The following DLGAP2 variants were observed in gnomAD, a reference collection of about 807,000 sequenced individuals.
DLGAP2 encodes the protein DLG associated protein 2, also known as disks large-associated protein 2.
DLGAP2 carries 26 observed loss-of-function variants against 100.3 expected under a neutral mutation model. That is an observed-to-expected ratio of 0.26 (90% CI 0.19 to 0.36). The LOEUF is 0.36. DLGAP2 is among the 10% of genes least tolerant of loss of function. The pLI is 1.00. For synonymous variants in DLGAP2, 886 were observed against 630.1 expected (o/e 1.41, Z -6.08); for missense variants, 1,858 against 1,453.2 (o/e 1.28, Z -4.53).
chr8:1,274,077 C>T (rs886760906), intron 3 of DLGAP2, among the ~76,000 whole-genome samples: 1 of 152,080 alleles, frequency 6.6e-6, no homozygotes, highest in Non-Finnish European at 1.5e-5. Context: ...CGTGACGGCT[C>T]TGTTCAGCAT....
At chr8:1,563,733 TGCCGGA>T (rs1206387617) in intron 5 of DLGAP2, among the ~76,000 whole-genome samples, 2 of 152,078 alleles carry the variant, frequency 1.3e-5, no homozygotes, top group African/African-American at 4.8e-5. Flanking sequence ...ATGTCAGATC[TGCCGGA>T]GCACTGGTGT....
At chr8:949,602 G>A (rs1389590670) in intron 2 of DLGAP2, among the ~76,000 whole-genome samples, 1 of 152,216 alleles carries the variant, frequency 6.6e-6, no homozygotes, top group Non-Finnish European at 1.5e-5. Context: ...CCCAGGACGG[G>A]CCTCCCCGCT....
intron 1 of DLGAP2, among the ~76,000 whole-genome samples, chr8:792,061 G>A (rs1334687292): frequency 6.6e-6 from 1 of 152,204 alleles, no homozygotes; most frequent in Non-Finnish European, 1.5e-5. Flanking sequence ...ATTTACCAAT[G>A]TGAATTTTAT....
chr8:1,249,303 C>G (rs1798985007), intron 2 of DLGAP2, among the ~76,000 whole-genome samples: 1 of 152,182 alleles, frequency 6.6e-6, no homozygotes, highest in Non-Finnish European at 1.5e-5. Flanking sequence ...GTGGGAAGGT[C>G]TCAGCCTGCA....
chr8:1,440,887 A>C (rs541073560), intron 3 of DLGAP2, among the ~76,000 whole-genome samples: 54 of 152,348 alleles, frequency 3.5e-4, no homozygotes, highest in Admixed American at 3.5e-3. Context: ...CTAAACTGCT[A>C]CTTTCATGCC....
At chr8:794,876 A>T (rs948536264) in intron 1 of DLGAP2, among the ~76,000 whole-genome samples, 2 of 151,084 alleles carry the variant, frequency 1.3e-5, no homozygotes, top group Non-Finnish European at 3.0e-5. Context: ...GGTGGCGGGT[A>T]TTTCTAGCTG....
intron 2 of DLGAP2, among the ~76,000 whole-genome samples, chr8:1,008,918 G>C (rs978522436): frequency 1.3e-5 from 2 of 152,248 alleles, no homozygotes; most frequent in Non-Finnish European, 2.9e-5. Context: ...ATGCAACCCT[G>C]TGAGGAGCTG....
chr8:788,481 C>T (rs1470375797), intron 1 of DLGAP2, among the ~76,000 whole-genome samples: 1 of 152,224 alleles, frequency 6.6e-6, no homozygotes, highest in Non-Finnish European at 1.5e-5. Flanking sequence ...TGGGGCTTCC[C>T]TGCAAGTTTG....
intron 2 of DLGAP2, among the ~76,000 whole-genome samples, chr8:1,115,102 T>C (rs1805076090): frequency 6.6e-6 from 1 of 152,340 alleles, no homozygotes; most frequent in African/African-American, 2.4e-5. Context: ...CTGAGGATTA[T>C]GTTCAATTAT....
intron 2 of DLGAP2, among the ~76,000 whole-genome samples, chr8:954,171 A>T (rs535616776): frequency 1.3e-5 from 2 of 152,258 alleles, no homozygotes; most frequent in East Asian, 3.9e-4. Flanking sequence ...TAAGGTGCAT[A>T]ATGTGGCATT....
At chr8:1,484,150 G>C (rs542050849) in intron 3 of DLGAP2, among the ~76,000 whole-genome samples, 101 of 152,314 alleles carry the variant, frequency 6.6e-4, no homozygotes, top group African/African-American at 2.4e-3. Flanking sequence ...AGCCAGGGCA[G>C]GCCCTCCAGG....
At chr8:1,235,295 C>G (rs1180508700) in intron 2 of DLGAP2, among the ~76,000 whole-genome samples, 3 of 151,318 alleles carry the variant, frequency 2.0e-5, no homozygotes, top group Non-Finnish European at 2.9e-5. Flanking sequence ...GTCTAGTTCC[C>G]TCACACATGG....
intron 3 of DLGAP2, among the ~76,000 whole-genome samples, chr8:1,417,508 C>A (rs994938808): frequency 6.6e-6 from 1 of 152,206 alleles, no homozygotes; most frequent in Admixed American, 6.5e-5. Flanking sequence ...CTCACCAGGG[C>A]AGGCATAGTA....
chr8:1,424,703 A>G, intron 3 of DLGAP2, among the ~76,000 whole-genome samples: 1 of 152,362 alleles, frequency 6.6e-6, no homozygotes, highest in South Asian at 2.1e-4. Context: ...ATGCACAGAC[A>G]GAAGGCCGGA....
chr8:923,660 G>T (rs966625578), intron 2 of DLGAP2, among the ~76,000 whole-genome samples: 8 of 152,212 alleles, frequency 5.3e-5, no homozygotes, highest in Admixed American at 2.0e-4. Context: ...ACCCCTCTGA[G>T]CTTGGTGCAT....
intron 1 of DLGAP2, among the ~76,000 whole-genome samples, chr8:859,694 C>T (rs1057494643): frequency 6.6e-6 from 1 of 152,076 alleles, no homozygotes; most frequent in African/African-American, 2.4e-5. Context: ...CAAAGCAGAA[C>T]GAGAAGTTGT....
Position 1,258,927 on chromosome 8 carries a change from G to A in DLGAP2, c.106+44G>A, listed in dbSNP as rs76001622. The A allele has an allele frequency of 2.1e-3, 2,573 of 1,229,448 alleles. 72 individuals carry two copies. In the East Asian group the frequency reaches 0.06, roughly 29 times the overall value. The allele number at this position is 1,229,448 out of a possible 1,614,324, so 76.2% of individuals were successfully genotyped here. On this transcript the variant is annotated intron_variant, in intron 3 of 14. Coordinates refer to ENST00000637795, the MANE Select transcript of DLGAP2 (RefSeq NM_001346810.2). ...GCCTGGGGTGGGCGGGGGCCGCGCG[G>A]CTCACAGGTGTGTGGCTGGCAACAG...
intron 2 of DLGAP2, among the ~76,000 whole-genome samples, chr8:996,331 C>T (rs1800783289): frequency 6.6e-6 from 1 of 152,180 alleles, no homozygotes; most frequent in South Asian, 2.1e-4. Flanking sequence ...CAGAGCTCTT[C>T]TCCGAGGGCC....
rs188756541 is a variant in DLGAP2, at chr8:1,048,045, A to G, written c.73+140079A>G. Among the ~76,000 whole-genome samples, 14 of 152,268 alleles carry G rather than the reference A, an allele frequency of 9.2e-5. No individual in the cohort carries two copies. The East Asian group carries it at 2.7e-3, about 29-fold the overall frequency. On this transcript the variant is annotated intron_variant, in intron 2 of 14. Transcript: ENST00000637795. Reference sequence around the variant, plus strand: ...TGTGGTATTTGACCCGACTGTGTGTAGCTCAAGTTTTGGACCAACCTGCCT... The same window carrying G: ...TGTGGTATTTGACCCGACTGTGTGTGGCTCAAGTTTTGGACCAACCTGCCT...
Sources: gnomAD v4.1 joint callset for allele counts (sites outside exome capture counted in the v4.1 genomes callset) on GRCh38, gnomAD v4.1.1 for gene constraint, MANE v1.5 for transcripts, NCBI Gene and HGNC (gene_info 2026-07-23, HGNC 2026-07-21) for gene names.